DDX3X: variants seen among roughly 807,000 people sequenced by gnomAD.
DDX3X encodes DEAD-box helicase 3 X-linked, also known as ATP-dependent RNA helicase DDX3X.
Under a neutral mutation model 52.7 loss-of-function variants are expected in DDX3X, and 4 were observed. That is an observed-to-expected ratio of 0.08 (90% CI 0.04 to 0.17). DDX3X has a LOEUF of 0.17. DDX3X is among the 10% of genes least tolerant of loss of function. DDX3X has a pLI of 1.00. For missense variants in DDX3X, 222 were observed against 548.6 expected (o/e 0.40, Z 5.95); for synonymous variants, 192 against 178.1 (o/e 1.08, Z -0.62).
At chrX:41,357,421 C>G (rs186374793) in intron 5 of DDX3X, among the ~76,000 whole-genome samples, 1 of 111,195 alleles carries the variant, frequency 9.0e-6, no homozygotes, top group African/African-American at 3.3e-5. Context: ...GCTGCTAAAC[C>G]TATAGATCAG....
downstream of DDX3X, chrX:41,350,934 A>G (rs1311545403): frequency 1.8e-5 from 2 of 111,942 alleles, no homozygotes; most frequent in African/African-American, 6.5e-5. Flanking sequence ...TTGCAGTATG[A>G]TTAAGAATTT....
At chrX:41,340,568 T>C (rs1323381408) in intron 3 of DDX3X, 5 of 251,412 alleles carry the variant, frequency 2.0e-5, no homozygotes, top group Non-Finnish European at 3.5e-5. Context: ...CCTGGATATT[T>C]ATAGCTGTAC....
chrX:41,354,344 C>CTTTTTTTTT (rs60965317), downstream of DDX3X, among the ~76,000 whole-genome samples: 3,375 of 69,610 alleles, frequency 0.048, 314 homozygotes, highest in East Asian at 0.33. Context: ...TGTGCTACCT[C>CTTTTTTTTT]TTTTTTTTTT....
chrX:41,349,236 A>G lies in DDX3X; in HGVS notation c.*1517A>G, dbSNP rs2063961867. The stretch of plus-strand genomic sequence containing the variant: ...CATTTGTTATGGTGCTATTTCAATT[A>G]GTCTAGGTTTAGGCCCTTGTACATT... On this transcript the variant is annotated 3_prime_UTR_variant, in exon 17 of 17. Coordinates refer to ENST00000644876, the MANE Select transcript of DDX3X (RefSeq NM_001356.5). 1 of 112,664 alleles carries G rather than the reference A, an allele frequency of 8.9e-6. No individual in the cohort carries two copies. The highest frequency in any genetic ancestry group is 3.2e-5 in the African/African-American group (1 of 30,908). 9.3% of individuals were successfully genotyped at this position (112,664 alleles called of 1,213,427 possible).
At chrX:41,342,925 T>C in intron 6 of DDX3X, 89 bp downstream of exon 6, 3 of 768,793 alleles carry the variant, frequency 3.9e-6, no homozygotes, top group African/African-American at 4.1e-5. Context: ...CATAAAGTCA[T>C]GTAGACCAGA....
chrX:41,356,334 A>G (rs181110766), intron 5 of DDX3X, among the ~76,000 whole-genome samples: 48 of 109,116 alleles, frequency 4.4e-4, no homozygotes, highest in Admixed American at 4.0e-3. Context: ...TTTAGTAGAG[A>G]CGGGGTTTCA....
intron 3 of DDX3X, chrX:41,340,346 G>C (rs1191842616): frequency 8.8e-6 from 1 of 113,762 alleles, no homozygotes; most frequent in African/African-American, 3.2e-5. Flanking sequence ...AGCTGGTAGA[G>C]ATCTGGCAAT....
chrX:41,342,656 A>G lies in DDX3X; in HGVS notation c.443+3A>G. On this transcript the variant is annotated splice_donor_region_variant and intron_variant, in intron 5 of 16. Transcript: ENST00000644876. The stretch of plus-strand genomic sequence containing the variant: ...CCACCAAGTGAACGCTTGGAACAGT[A>G]AGTTTTTGAAGTGTATGTTACTTGT... 8.3e-7 allele frequency: 1 copy of G among 1,211,434 alleles called. No homozygotes were observed.
chrX:41,359,697 G>T (rs1456916877), intron 5 of DDX3X, among the ~76,000 whole-genome samples: 1 of 110,594 alleles, frequency 9.0e-6, no homozygotes, highest in African/African-American at 3.3e-5. Context: ...AGTGGGCCAG[G>T]TGTGGTGGCT....
chrX:41,347,245 GGAAA>G (rs1476195883), intron 15 of DDX3X, 63 bp from the exon 16 acceptor site: 1 of 1,112,101 alleles, frequency 9.0e-7, no homozygotes, highest in Non-Finnish European at 1.2e-6. Flanking sequence ...TTGGTCATTA[GGAAA>G]GAGTTAGGTT....
rs957456713 is a variant in DDX3X at position 41,348,894 on chromosome X, T to C, written c.*1175T>C. On this transcript the variant is annotated 3_prime_UTR_variant, in exon 17 of 17. Coordinates refer to ENST00000644876, the MANE Select transcript of DDX3X (RefSeq NM_001356.5). ...TTTGAGATCACACAGGTTGGAAATA[T>C]GTACATAACTGCACAAGGTGTCAAT... is the stretch of plus-strand genomic sequence containing the variant. 3 of 112,658 alleles carry C rather than the reference T, an allele frequency of 2.7e-5. No homozygotes were observed. The highest frequency in any genetic ancestry group is 3.8e-5 in the Non-Finnish European group (2 of 53,285). The allele number at this position is 112,658 out of a possible 1,213,427, so 9.3% of individuals were successfully genotyped here. A position where few individuals can be genotyped will look rare whatever the true frequency, so the allele number is the denominator to read the frequency against.
chrX:41,360,689 C>T (rs757723340), intron 5 of DDX3X, among the ~76,000 whole-genome samples: 64 of 110,642 alleles, frequency 5.8e-4, no homozygotes, highest in Non-Finnish European at 7.8e-4. Context: ...GTGATCCACC[C>T]GCCTTGGCCT....
intron 12 of DDX3X, chrX:41,345,981 T>C (rs960581446): frequency 5.3e-6 from 2 of 374,340 alleles, no homozygotes; most frequent in Non-Finnish European, 9.2e-6. Flanking sequence ...GGCTGTAGTA[T>C]GCCATGATTG....
Position 41,346,582 on chromosome X carries a change from T to C in DDX3X, c.1575T>C (p.Tyr525=), listed in dbSNP as rs766409654. 2.2e-5 allele frequency: 26 copies of C among 1,207,346 alleles called. No homozygotes were observed. The South Asian group carries it at 2.7e-4, about 12-fold the overall frequency. Residue 525 remains tyrosine, a synonymous_variant, in exon 14 of 17, where the codon TAT becomes TAC. Transcript: ENST00000644876. ...ACTTGCCAAGTGATATTGAAGAATATGTACATCGTATTGGTCGTACGGGAC... is the reference window on the plus strand; with the variant it reads ...ACTTGCCAAGTGATATTGAAGAATACGTACATCGTATTGGTCGTACGGGAC... ...NFDLPSDIEE[Y]VHRIGRTGRV... is the part of the protein sequence containing the mutation.
chrX:41,360,007 A>G (rs1466036533), intron 5 of DDX3X, among the ~76,000 whole-genome samples: 1 of 108,011 alleles, frequency 9.3e-6, no homozygotes. Flanking sequence ...TAATAAATAA[A>G]TACATAAATA....
downstream of DDX3X, chrX:41,350,528 A>G (rs745561490): frequency 2.7e-5 from 3 of 111,896 alleles, no homozygotes; most frequent in Non-Finnish European, 3.8e-5. Flanking sequence ...TGAAGTATCT[A>G]TTATGAAGGA....
At position 41,341,246 on chromosome X, in the gene DDX3X, A is replaced by G. The variant is rs1429106313; in HGVS notation, c.152-238A>G. 1.8e-5 allele frequency: 5 copies of G among 277,389 alleles called. No individual in the cohort carries two copies. In the Admixed American group the frequency reaches 2.4e-4, roughly 13 times the overall value. The allele number at this position is 277,389 out of a possible 1,213,427, so 22.9% of individuals were successfully genotyped here. On this transcript the variant is annotated intron_variant, in intron 3 of 16. Coordinates refer to ENST00000644876, the MANE Select transcript of DDX3X (RefSeq NM_001356.5). The stretch of plus-strand genomic sequence containing the variant: ...GTGACCTGCCCGCCTTGGCCTCCCA[A>G]AGTGCTGGGATTACAGGCGTGAGCC...
In DDX3X at chrX:41,334,179, G is replaced by C. The variant is rs2063718990; in HGVS notation, c.-74G>C. On this transcript the variant is annotated 5_prime_UTR_variant, in exon 1 of 17. Coordinates refer to ENST00000644876, the MANE Select transcript of DDX3X (RefSeq NM_001356.5). ...TGCGCTCCAGAGCCGCAGTTCTCCCGTGAGAGGGCCTTCGCGGTGGAACAA... is the reference window on the plus strand; with the variant it reads ...TGCGCTCCAGAGCCGCAGTTCTCCCCTGAGAGGGCCTTCGCGGTGGAACAA... 1.3e-5 allele frequency: 14 copies of C among 1,085,484 alleles called. No individual in the cohort carries two copies. Among genetic ancestry groups the C allele is most frequent in the African/African-American group, 1.8e-5 (1 of 55,023 alleles). 89.5% of individuals were successfully genotyped at this position (1,085,484 alleles called of 1,213,427 possible).
chrX:41,338,317 C>A (rs1338337632), intron 2 of DDX3X: 1 of 111,651 alleles, frequency 9.0e-6, no homozygotes, highest in Non-Finnish European at 1.9e-5. Context: ...CTTTAACTTT[C>A]ACCTTATTTG....
Sources: allele counts gnomAD v4.1 joint callset (sites outside exome capture counted in the v4.1 genomes callset), GRCh38; gene constraint gnomAD v4.1.1; transcripts MANE v1.5; gene names NCBI Gene and HGNC (gene_info 2026-07-23, HGNC 2026-07-21).